The following DIXDC1 variants were observed in gnomAD, a reference collection of about 807,000 sequenced individuals.
DIXDC1 encodes the protein dixin.
Under a neutral mutation model 103.1 loss-of-function variants are expected in DIXDC1, and 64 were observed. The ratio of observed to expected loss-of-function variants is 0.62; its 90% CI spans 0.51 to 0.76. The LOEUF is 0.76. Ranked by LOEUF, DIXDC1 falls within the 30% of genes least tolerant of loss-of-function variation. The pLI is 0.00. For missense variants in DIXDC1, 759 were observed against 834.2 expected, an observed-to-expected ratio of 0.91 and a Z score of 1.11; for synonymous variants, 266 against 298.5, an observed-to-expected ratio of 0.89 and a Z score of 1.12.
At chr11:111,930,591 C>T (rs762318532) in intron 2 of DIXDC1, among the ~76,000 whole-genome samples, 70 of 152,176 alleles carry the variant, frequency 4.6e-4, no homozygotes, top group Non-Finnish European at 9.8e-4. Context: ...AATGTGGGCA[C>T]GTTTGGTAAA....
At chr11:111,979,783 C>T (rs1860236941) in intron 5 of DIXDC1, among the ~76,000 whole-genome samples, 1 of 152,040 alleles carries the variant, frequency 6.6e-6, no homozygotes, top group Non-Finnish European at 1.5e-5. Context: ...ACGGGGAGAA[C>T]TTGTTCTACA....
intron 1 of DIXDC1, among the ~76,000 whole-genome samples, chr11:111,927,750 C>T (rs587608725): frequency 6.6e-6 from 1 of 152,204 alleles, no homozygotes; most frequent in Non-Finnish European, 1.5e-5. Context: ...GGCGCGGTGG[C>T]TCACGCCTGT....
chr11:111,971,655 A>G (rs1252502725), intron 3 of DIXDC1, among the ~76,000 whole-genome samples: 1 of 152,230 alleles, frequency 6.6e-6, no homozygotes, highest in Non-Finnish European at 1.5e-5. Flanking sequence ...AGCGCCATTC[A>G]CAATAGCAAA....
Position 112,021,284 on chromosome 11 carries a change from G to A in DIXDC1, c.*2248G>A, listed in dbSNP as rs1211812839. 1 of 152,216 alleles carries A rather than the reference G, an allele frequency of 6.6e-6. No homozygotes were observed. The highest frequency in any genetic ancestry group is 2.1e-4 in the South Asian group (1 of 4,820). 9.4% of individuals were successfully genotyped at this position (152,216 alleles called of 1,614,324 possible). A position where few individuals can be genotyped will look rare whatever the true frequency, so the allele number is the denominator to read the frequency against. ...ATCGTTTTTTTTCCCTTTTAGCTCG[G>A]TAATCTCATGTACCACAGGTAATGA... On this transcript the variant is annotated 3_prime_UTR_variant, in exon 20 of 20. Transcript: ENST00000440460.
In DIXDC1 at chr11:111,998,923, A is replaced by G. The variant is rs1328017327; in HGVS notation, c.1756+2777A>G. 6.6e-6 allele frequency among the ~76,000 whole-genome samples: 1 copy of G among 152,230 alleles called. No individual in the cohort carries two copies. Among genetic ancestry groups the G allele is most frequent in the Non-Finnish European group, 1.5e-5 (1 of 68,028 alleles). ...CATGTCCAAAACTGGACACAAAACA[A>G]TAGAGAGGGAAAAATACAGAATATA... On this transcript the variant is annotated intron_variant, in intron 17 of 19. Coordinates refer to ENST00000440460, the MANE Select transcript of DIXDC1 (RefSeq NM_001037954.4). The surrounding 1 kb of genome is among the most constrained non-coding windows in gnomAD (Gnocchi z 4.1).
At chr11:111,947,629 C>G (rs1555169499) in intron 1 of DIXDC1, among the ~76,000 whole-genome samples, 1 of 152,186 alleles carries the variant, frequency 6.6e-6, no homozygotes, top group African/African-American at 2.4e-5. Flanking sequence ...CAGTTTAGTG[C>G]TTGTCTCCCT....
In DIXDC1 at chr11:112,021,496, A is replaced by G. The variant is rs377181356; in HGVS notation, c.*2460A>G. The G allele has an allele frequency of 6.6e-6, 1 of 152,284 alleles. No individual in the cohort carries two copies. The highest frequency in any genetic ancestry group is 2.4e-5 in the African/African-American group (1 of 41,568). 9.4% of individuals were successfully genotyped at this position (152,284 alleles called of 1,614,324 possible). On this transcript the variant is annotated 3_prime_UTR_variant, in exon 20 of 20. Coordinates refer to ENST00000440460, the MANE Select transcript of DIXDC1 (RefSeq NM_001037954.4). The stretch of plus-strand genomic sequence containing the variant: ...GGAGGCCTCCTGACTTATTCATAGT[A>G]TTGTCGCCTGGTGGCATTGGTGTGG...
In DIXDC1 at chr11:111,962,083, A is replaced by G. The variant is rs1859599180; in HGVS notation, c.61-2466A>G. The stretch of plus-strand genomic sequence containing the variant: ...GTACAGTGCCTCAAATTATTGTTGA[A>G]CTGATTGTGTGACATAGGAAGCCCT... On this transcript the variant is annotated intron_variant, in intron 1 of 19. Coordinates refer to ENST00000440460, the MANE Select transcript of DIXDC1 (RefSeq NM_001037954.4). 3.3e-5 allele frequency among the ~76,000 whole-genome samples: 5 copies of G among 152,200 alleles called. No homozygotes were observed. In the South Asian group the frequency reaches 1.0e-3, roughly 32 times the overall value.
chr11:111,972,434 G>T (rs587641572), intron 3 of DIXDC1, among the ~76,000 whole-genome samples: 2 of 152,288 alleles, frequency 1.3e-5, no homozygotes, highest in African/African-American at 4.8e-5. Context: ...GTAACAGTCT[G>T]AGTTAGTCCT....
intron 6 of DIXDC1, among the ~76,000 whole-genome samples, chr11:111,981,600 G>A (rs1376545977): frequency 1.3e-5 from 2 of 152,150 alleles, no homozygotes; most frequent in East Asian, 1.9e-4. Flanking sequence ...TCTGGGCCAG[G>A]CACCAGCAGG....
At chr11:111,967,394 T>C (rs1555171670) in intron 2 of DIXDC1, among the ~76,000 whole-genome samples, 1 of 152,200 alleles carries the variant, frequency 6.6e-6, no homozygotes, top group African/African-American at 2.4e-5. Flanking sequence ...AATTGTCCTT[T>C]TTGTCATATA....
chr11:111,964,616 T>C lies in DIXDC1; in HGVS notation c.128T>C (p.Val43Ala). The C allele has an allele frequency of 6.2e-7, 1 of 1,612,248 alleles. No homozygotes were observed. The highest frequency in any genetic ancestry group is 8.5e-7 in the Non-Finnish European group (1 of 1,179,284). ...AAGAAGAGGCCAGCAGTGAAGCCTG[T>C]GCAGGACCTGCGACAAGATCTCCGG... is the stretch of plus-strand genomic sequence containing the variant. ...QLKKRPAVKP[V>A]QDLRQDLRDG... The change falls in exon 2 of 20, where the codon GTG becomes GCG. Residue 43 changes from valine (V) to alanine (A), a missense_variant. Around this residue, in one of 3 missense-constraint regions of DIXDC1, gnomAD observed 97 missense variants for 85.4 expected, o/e 1.14. Transcript: ENST00000440460.
intron 7 of DIXDC1, among the ~76,000 whole-genome samples, chr11:111,982,870 C>A (rs587708305): frequency 3.9e-5 from 6 of 152,314 alleles, no homozygotes; most frequent in African/African-American, 1.2e-4. Flanking sequence ...AATTCTCTAG[C>A]AGGAAGAGTG....
At position 111,979,701 on chromosome 11, in the gene DIXDC1, C is replaced by T. The variant is rs587665545; in HGVS notation, c.657-1036C>T. Among the ~76,000 whole-genome samples, 11 of 152,326 alleles carry T rather than the reference C, an allele frequency of 7.2e-5. No homozygotes were observed. In the East Asian group the frequency reaches 1.4e-3, roughly 19 times the overall value. ...AAGGGCCAGGTACGGTGGCCCACGC[C>T]TGTAATCCCAGTACAGAGGCTGAGG... On this transcript the variant is annotated intron_variant, in intron 5 of 19. Transcript: ENST00000440460.
chr11:111,984,598 C>CG (rs1285770183), intron 7 of DIXDC1, among the ~76,000 whole-genome samples: 3 of 152,132 alleles, frequency 2.0e-5, no homozygotes, highest in South Asian at 2.1e-4. Flanking sequence ...GCAATGCATG[C>CG]GGGGGGCCTA....
chr11:111,999,550 A>G (rs1211934914), intron 17 of DIXDC1, among the ~76,000 whole-genome samples: 1 of 152,208 alleles, frequency 6.6e-6, no homozygotes, highest in Non-Finnish European at 1.5e-5. Flanking sequence ...GGACATCAAA[A>G]GCATGAGCAA....
At chr11:111,950,426 ATATATATATATATTTTTTTTTTTTTTT>A (rs1287656056) in intron 1 of DIXDC1, among the ~76,000 whole-genome samples, 3 of 28,902 alleles carry the variant, frequency 1.0e-4, no homozygotes, top group Admixed American at 6.2e-4. Context: ...ATATATATAT[ATATATATATATATTTTTTTTTTTTTTT>A]TTTTTTTTTT....
chr11:111,977,321 G>A lies in DIXDC1; in HGVS notation c.656+2338G>A. 2 of 1,049,310 alleles carry A rather than the reference G, an allele frequency of 1.9e-6. No homozygotes were observed. The highest frequency in any genetic ancestry group is 3.5e-5 in the African/African-American group (2 of 57,810). The allele number at this position is 1,049,310 out of a possible 1,614,324, so 65.0% of individuals were successfully genotyped here. A position where few individuals can be genotyped will look rare whatever the true frequency, so the allele number is the denominator to read the frequency against. ...GGGGCGGGGAGGGATCCGGAAGGTGGCACGGAGTGGGATCGCCGCTGGGGA... is the reference window on the plus strand; with the variant it reads ...GGGGCGGGGAGGGATCCGGAAGGTGACACGGAGTGGGATCGCCGCTGGGGA... On this transcript the variant is annotated intron_variant, in intron 5 of 19. Transcript: ENST00000440460. The surrounding 1 kb of genome is among the most constrained non-coding windows in gnomAD (Gnocchi z 6.1).
intron 1 of DIXDC1, among the ~76,000 whole-genome samples, chr11:111,945,257 G>A (rs976418189): frequency 2.0e-5 from 3 of 152,168 alleles, no homozygotes; most frequent in East Asian, 1.9e-4. Context: ...CTATGGCAAC[G>A]TCTAAGTTTT....
Sources: allele counts gnomAD v4.1 joint callset (sites outside exome capture counted in the v4.1 genomes callset), GRCh38; gene constraint gnomAD v4.1.1; regional missense constraint gnomAD v4.1.1; non-coding constraint Gnocchi (gnomAD v3.1); transcripts MANE v1.5; gene names NCBI Gene and HGNC (gene_info 2026-07-23, HGNC 2026-07-21).